The following PID1 variants were observed in gnomAD, a reference collection of about 807,000 sequenced individuals.
The protein encoded by PID1 is phosphotyrosine interaction domain containing 1.
PID1 carries 10 observed loss-of-function variants against 19.1 expected under a neutral mutation model. The ratio of observed to expected loss-of-function variants is 0.52; its 90% CI spans 0.32 to 0.89. The LOEUF (loss-of-function observed/expected upper bound fraction) is 0.89. PID1 is among the 40% of genes least tolerant of loss of function. The pLI is 0.03. For missense variants in PID1, 248 were observed against 285.3 expected, an observed-to-expected ratio of 0.87 and a Z score of 0.94; for synonymous variants, 130 against 116.0, an observed-to-expected ratio of 1.12 and a Z score of -0.78.
At chr2:229,189,067 C>A (rs183168745) in intron 1 of PID1, among the ~76,000 whole-genome samples, 1 of 152,282 alleles carries the variant, frequency 6.6e-6, no homozygotes, top group East Asian at 1.9e-4. Flanking sequence ...GAGAAGAACT[C>A]GTGAAGTGAA....
intron 1 of PID1, among the ~76,000 whole-genome samples, chr2:229,247,209 G>A (rs1690027344): frequency 6.6e-6 from 1 of 152,166 alleles, no homozygotes; most frequent in South Asian, 2.1e-4. Flanking sequence ...AAGAACATTG[G>A]TTTAAAGGAC....
At chr2:229,247,140 C>A (rs949756782) in intron 1 of PID1, among the ~76,000 whole-genome samples, 2 of 152,168 alleles carry the variant, frequency 1.3e-5, no homozygotes, top group African/African-American at 4.8e-5. Flanking sequence ...ATGATGATTT[C>A]TAGAAAGCAC....
At chr2:229,131,378 G>A (rs898422065) in intron 2 of PID1, among the ~76,000 whole-genome samples, 2 of 151,866 alleles carry the variant, frequency 1.3e-5, no homozygotes, top group African/African-American at 4.8e-5. Context: ...CTACAGGCAT[G>A]TGCCACCACA....
intron 1 of PID1, among the ~76,000 whole-genome samples, chr2:229,217,009 T>C (rs1406544423): frequency 1.3e-5 from 2 of 152,206 alleles, no homozygotes; most frequent in African/African-American, 4.8e-5. Context: ...CAAGTACTTT[T>C]AAATAGATAA....
At chr2:229,178,450 T>C (rs1193002539) in intron 1 of PID1, among the ~76,000 whole-genome samples, 1 of 152,168 alleles carries the variant, frequency 6.6e-6, no homozygotes, top group East Asian at 1.9e-4. Context: ...CTTATTTTCT[T>C]CAATTAGTTT....
In PID1 at chr2:229,270,997, T is replaced by A; in HGVS notation, c.30+17A>T. 6.6e-7 allele frequency: 1 copy of A among 1,517,290 alleles called. No individual in the cohort carries two copies. Among genetic ancestry groups the A allele is most frequent in the South Asian group, 1.2e-5 (1 of 82,036 alleles). The allele number at this position is 1,517,290 out of a possible 1,614,324, so 94.0% of individuals were successfully genotyped here. On this transcript the variant is annotated intron_variant, in intron 1 of 2. Transcript: ENST00000392055. ...CTCCTCCTCCAGGCTGGCCCCCGGCTCCCGGGTGCCCCTTACCTGCAGGCG... is the reference window on the plus strand; with the variant it reads ...CTCCTCCTCCAGGCTGGCCCCCGGCACCCGGGTGCCCCTTACCTGCAGGCG...
At chr2:229,108,064 G>A (rs1437684265) in intron 2 of PID1, among the ~76,000 whole-genome samples, 1 of 151,788 alleles carries the variant, frequency 6.6e-6, no homozygotes, top group African/African-American at 2.4e-5. Flanking sequence ...GACAAAAACT[G>A]TACATGGTCT....
intron 1 of PID1, among the ~76,000 whole-genome samples, chr2:229,172,624 G>C (rs1435375300): frequency 6.6e-6 from 1 of 152,150 alleles, no homozygotes; most frequent in Non-Finnish European, 1.5e-5. Context: ...CCACCCTAAT[G>C]ATCTCATTGT....
intron 2 of PID1, among the ~76,000 whole-genome samples, chr2:229,099,247 A>G (rs1695030743): frequency 6.6e-6 from 1 of 152,218 alleles, no homozygotes; most frequent in Non-Finnish European, 1.5e-5. Flanking sequence ...TTTAATTTTA[A>G]TTGAAAGGCA....
At chr2:229,218,473 T>C (rs1559290166) in intron 1 of PID1, among the ~76,000 whole-genome samples, 2 of 152,082 alleles carry the variant, frequency 1.3e-5, no homozygotes, top group Non-Finnish European at 2.9e-5. Flanking sequence ...AAATCAATAA[T>C]GGAACCAAGC....
intron 2 of PID1, among the ~76,000 whole-genome samples, chr2:229,109,387 G>C (rs939467145): frequency 5.3e-5 from 8 of 152,172 alleles, no homozygotes; most frequent in African/African-American, 1.9e-4. Flanking sequence ...TAGGGGAGCA[G>C]AAAAACCTGT....
chr2:229,144,674 A>T (rs1184291813), intron 2 of PID1, among the ~76,000 whole-genome samples: 1 of 152,112 alleles, frequency 6.6e-6, no homozygotes, highest in Non-Finnish European at 1.5e-5. Context: ...ACAGAAAGCT[A>T]AAAAATATTA....
intron 1 of PID1, among the ~76,000 whole-genome samples, chr2:229,194,688 T>C (rs528479246): frequency 6.6e-6 from 1 of 152,092 alleles, no homozygotes; most frequent in South Asian, 2.1e-4. Flanking sequence ...ATGAAATACA[T>C]ATAACAGAAT....
chr2:229,271,192 G>C lies in PID1; in HGVS notation c.-149C>G, dbSNP rs1690729569. 2.6e-6 allele frequency: 2 copies of C among 783,718 alleles called. No homozygotes were observed. Among genetic ancestry groups the C allele is most frequent in the Admixed American group, 3.3e-5 (1 of 30,034 alleles). 48.5% of individuals were successfully genotyped at this position (783,718 alleles called of 1,614,324 possible). On this transcript the variant is annotated 5_prime_UTR_variant, in exon 1 of 3. Transcript: ENST00000392055. ...GGCCACCGCCGCCGGGTGGGCGTAG[G>C]GGGCTGCGAGCAGGAGGAGGCGCGG...
intron 2 of PID1, among the ~76,000 whole-genome samples, chr2:229,077,653 A>G (rs913587330): frequency 3.9e-5 from 6 of 152,054 alleles, no homozygotes; most frequent in African/African-American, 1.4e-4. Flanking sequence ...TCCTCTCCCA[A>G]TTGCTTGTTT....
At chr2:229,054,361 C>T (rs12612162) in intron 2 of PID1, among the ~76,000 whole-genome samples, 77,993 of 151,764 alleles carry the variant, frequency 0.51, 20,925 homozygotes, top group African/African-American at 0.67. Flanking sequence ...TGAGGAGAAG[C>T]GGCATGTGAT....
chr2:229,119,991 C>T (rs747478965), intron 2 of PID1, among the ~76,000 whole-genome samples: 2 of 152,162 alleles, frequency 1.3e-5, no homozygotes, highest in African/African-American at 4.8e-5. Context: ...AATACCATCA[C>T]GTCTCTGGCT....
chr2:229,157,476 C>G (rs539368021), intron 1 of PID1, among the ~76,000 whole-genome samples: 1 of 151,524 alleles, frequency 6.6e-6, no homozygotes, highest in Non-Finnish European at 1.5e-5. Flanking sequence ...AACTTGTATT[C>G]TGTAAGGAAA....
intron 2 of PID1, among the ~76,000 whole-genome samples, chr2:229,046,417 CA>C (rs1325822370): frequency 1.1e-4 from 16 of 144,152 alleles, no homozygotes; most frequent in Admixed American, 4.2e-4. Flanking sequence ...GGGGGGGAAC[CA>C]AAAAACGCAC....
Sources: allele counts gnomAD v4.1 joint callset (sites outside exome capture counted in the v4.1 genomes callset), GRCh38; gene constraint gnomAD v4.1.1; transcripts MANE v1.5; gene names NCBI Gene and HGNC (gene_info 2026-07-23, HGNC 2026-07-21).